BRWD1: variants seen among roughly 807,000 people sequenced by gnomAD.
BRWD1 encodes the protein bromodomain and WD repeat domain containing 1.
Under a neutral mutation model 251.2 loss-of-function variants are expected in BRWD1, and 82 were observed. That is an observed-to-expected ratio of 0.33 (90% CI 0.27 to 0.39). The LOEUF is 0.39. BRWD1 is among the 10% of genes least tolerant of loss of function. BRWD1 has a pLI of 1.00. For synonymous variants in BRWD1, 918 were observed against 902.8 expected, an observed-to-expected ratio of 1.02 and a Z score of -0.30; for missense variants, 2,233 against 2,711.6, an observed-to-expected ratio of 0.82 and a Z score of 3.92.
intron 38 of BRWD1, among the ~76,000 whole-genome samples, chr21:39,201,925 G>GT (rs2146468415): frequency 6.6e-6 from 1 of 152,314 alleles, no homozygotes; most frequent in South Asian, 2.1e-4. Flanking sequence ...TTTGTACAAT[G>GT]TTAACAAAGT....
chr21:39,307,215 G>C (rs1372875941), intron 4 of BRWD1, among the ~76,000 whole-genome samples: 2 of 152,072 alleles, frequency 1.3e-5, no homozygotes, highest in Non-Finnish European at 2.9e-5. Flanking sequence ...AAATTTCCTT[G>C]GGCATTTTTC....
chr21:39,200,602 A>G, intron 38 of BRWD1: 1 of 368,074 alleles, frequency 2.7e-6, no homozygotes, highest in Non-Finnish European at 4.8e-6. Flanking sequence ...ATAGTTTTTA[A>G]TTATATTTCT....
intron 37 of BRWD1, among the ~76,000 whole-genome samples, chr21:39,203,699 G>A (rs751192055): frequency 2.7e-5 from 4 of 150,654 alleles, no homozygotes; most frequent in Non-Finnish European, 4.4e-5. Context: ...GAGCCACCGC[G>A]CCCAGCCGAC....
chr21:39,209,598 T>C (rs576012846), intron 36 of BRWD1, among the ~76,000 whole-genome samples: 29 of 152,296 alleles, frequency 1.9e-4, no homozygotes, highest in African/African-American at 7.0e-4. Flanking sequence ...GTCAGCAGTC[T>C]CACAATCAGA....
At chr21:39,226,592 A>T (rs1480871138) in intron 27 of BRWD1, among the ~76,000 whole-genome samples, 2 of 152,306 alleles carry the variant, frequency 1.3e-5, no homozygotes, top group Non-Finnish European at 1.5e-5. Context: ...CTTTAAAGTT[A>T]TTTGGAACAC....
At chr21:39,217,998 A>T (rs2033025724) in intron 31 of BRWD1, among the ~76,000 whole-genome samples, 154 bp downstream of exon 31, 1 of 152,166 alleles carries the variant, frequency 6.6e-6, no homozygotes, top group African/African-American at 2.4e-5. Context: ...ACACCTACCC[A>T]TAGGCATCTA....
In BRWD1 at chr21:39,218,635, A is replaced by C. The variant is rs1278160315; in HGVS notation, c.3408T>G (p.Ala1136=). Residue 1136 remains alanine (A), a synonymous_variant, in exon 30 of 41, where the codon GCT becomes GCG. Transcript: ENST00000342449. ...GCTCATCTGTTGTGACAGAAATACT[A>C]GCTCCTAATTCTTCAGGTGGATCAA... The part of the protein sequence containing the change: ...DNVDPPEELG[A]SISVTTDELE... The C allele has an allele frequency of 1.2e-6, 2 of 1,605,328 alleles. No homozygotes were observed. Among genetic ancestry groups the C allele is most frequent in the African/African-American group, 2.7e-5 (2 of 74,534 alleles).
At chr21:39,292,059 C>T (rs1004932364) in intron 8 of BRWD1, among the ~76,000 whole-genome samples, 4 of 147,210 alleles carry the variant, frequency 2.7e-5, no homozygotes, top group Non-Finnish European at 4.4e-5. Flanking sequence ...AATCCTCCCT[C>T]AACCTCAGGA....
chr21:39,272,664 G>C (rs190360803), intron 13 of BRWD1, among the ~76,000 whole-genome samples: 140 of 149,080 alleles, frequency 9.4e-4, no homozygotes, highest in African/African-American at 3.1e-3. Context: ...CTGGGGTGTA[G>C]TGGCTCCATC....
Position 39,191,393 on chromosome 21 carries a change from G to A in BRWD1, c.*4866C>T. On this transcript the variant is annotated 3_prime_UTR_variant, in exon 41 of 41. Coordinates refer to ENST00000342449, the MANE Select transcript of BRWD1 (RefSeq NM_033656.4). ...CCAGCTAGAATGTATTTGGCTTGGA[G>A]TAGTGTTTTGTTTTGTTTTTTAACT... The A allele has an allele frequency of 1.0e-6, 1 of 985,328 alleles. No individual in the cohort carries two copies. Among genetic ancestry groups the A allele is most frequent in the Non-Finnish European group, 1.2e-6 (1 of 829,900 alleles). 61.0% of individuals were successfully genotyped at this position (985,328 alleles called of 1,614,324 possible). A position where few individuals can be genotyped will look rare whatever the true frequency, so the allele number is the denominator to read the frequency against.
At chr21:39,217,078 TATA>T (rs1568878172) in intron 31 of BRWD1, 29 of 12,146 alleles carry the variant, frequency 2.4e-3, no homozygotes, top group South Asian at 9.0e-3. Context: ...TATATATATA[TATA>T]TATTTTTTTT....
chr21:39,190,455 A>C lies in BRWD1; in HGVS notation c.*5804T>G. 1 of 985,372 alleles carries C rather than the reference A, an allele frequency of 1.0e-6. No individual in the cohort carries two copies. The highest frequency in any genetic ancestry group is 1.7e-5 in the African/African-American group (1 of 57,360). The allele number at this position is 985,372 out of a possible 1,614,324, so 61.0% of individuals were successfully genotyped here. On this transcript the variant is annotated 3_prime_UTR_variant, in exon 41 of 41. Transcript: ENST00000342449. ...ACTAGCCTCTTTCATAAACTCCTAG[A>C]ATCTTGACATTATTGGTTGCTGTGG...
At chr21:39,209,883 T>C (rs1460501019) in intron 36 of BRWD1, 112 bp downstream of exon 36, 4 of 1,029,702 alleles carry the variant, frequency 3.9e-6, no homozygotes, top group Non-Finnish European at 5.5e-6. Flanking sequence ...ATCTTTAATG[T>C]TCTAACCTCT....
chr21:39,232,637 A>G, intron 23 of BRWD1, 139 bp from the exon 24 acceptor site: 2 of 912,932 alleles, frequency 2.2e-6, no homozygotes, highest in Non-Finnish European at 3.3e-6. Flanking sequence ...TTCACACAGC[A>G]TATATATTTA....
chr21:39,227,111 G>A (rs1568888709), intron 27 of BRWD1, among the ~76,000 whole-genome samples: 1 of 152,162 alleles, frequency 6.6e-6, no homozygotes, highest in Non-Finnish European at 1.5e-5. Context: ...AGCTCTGATT[G>A]CACCACTGCC....
chr21:39,284,463 G>C (rs952230186), intron 8 of BRWD1, among the ~76,000 whole-genome samples: 10 of 152,236 alleles, frequency 6.6e-5, no homozygotes, highest in African/African-American at 2.4e-4. Context: ...GGGCAACAGA[G>C]AGAGAACCTG....
chr21:39,308,481 C>CA lies in BRWD1; in HGVS notation c.198+4359dup, dbSNP rs35833623. ...TGGGCAACAGAATGACACCTTGTCTCAAAAAAAAAAAAAAAAAAAAGCAAA... is the reference window on the plus strand; with the variant it reads ...TGGGCAACAGAATGACACCTTGTCTCAAAAAAAAAAAAAAAAAAAAAGCAAA... On this transcript the variant is annotated intron_variant, in intron 4 of 40. Coordinates refer to ENST00000342449, the MANE Select transcript of BRWD1 (RefSeq NM_033656.4). Among the ~76,000 whole-genome samples, 100 of 107,384 alleles carry CA rather than the reference C, an allele frequency of 9.3e-4. 1 individual carries two copies. In the East Asian group the frequency reaches 0.014, roughly 16 times the overall value. 70.4% of individuals were successfully genotyped at this position (107,384 alleles called of 152,430 possible). A position where few individuals can be genotyped will look rare whatever the true frequency, so the allele number is the denominator to read the frequency against.
chr21:39,253,824 T>C (rs1404282330), intron 19 of BRWD1, among the ~76,000 whole-genome samples: 1 of 152,230 alleles, frequency 6.6e-6, no homozygotes. Flanking sequence ...ATTTTAGATA[T>C]CATTCTAAAA....
chr21:39,289,694 C>T (rs185702084), intron 8 of BRWD1, among the ~76,000 whole-genome samples: 296 of 152,148 alleles, frequency 1.9e-3, no homozygotes, highest in Middle Eastern at 3.4e-3. Flanking sequence ...AAAAATATTA[C>T]TTCTTTGTCT....
Sources: allele counts gnomAD v4.1 joint callset (sites outside exome capture counted in the v4.1 genomes callset), GRCh38; gene constraint gnomAD v4.1.1; transcripts MANE v1.5; gene names NCBI Gene and HGNC (gene_info 2026-07-23, HGNC 2026-07-21).